The following ZNF677 variants were observed in gnomAD, a reference collection of about 807,000 sequenced individuals.
ZNF677 encodes the protein zinc finger protein 677.
A neutral mutation model predicts 8.1 loss-of-function variants in ZNF677; 5 were observed. The ratio of observed to expected loss-of-function variants is 0.62; its 90% CI spans 0.32 to 1.29. ZNF677 has a LOEUF of 1.29. ZNF677 is among the 50% of genes most tolerant of loss of function. The probability of loss-of-function intolerance (pLI) is 0.05; values close to 1 mark genes in which losing one functional copy is unlikely to be tolerated. For synonymous variants in ZNF677, 221 were observed against 225.6 expected, an observed-to-expected ratio of 0.98 and a Z score of 0.18; for missense variants, 685 against 685.9, an observed-to-expected ratio of 1.00 and a Z score of 0.01.
rs867164933 is a variant in ZNF677 at position 53,252,844 on chromosome 19, A to G, written c.-56+242T>C. The stretch of plus-strand genomic sequence containing the variant: ...ATACAGCTGAGCCTTGAGCAACACC[A>G]GTAGTGATGGGGTGCTAATCGCACC... On this transcript the variant is annotated intron_variant, in intron 2 of 4. Coordinates refer to ENST00000598513, the MANE Select transcript of ZNF677 (RefSeq NM_182609.4). Among the ~76,000 whole-genome samples the G allele has an allele frequency of 2.6e-5, 4 of 152,292 alleles. No individual in the cohort carries two copies. In the South Asian group the frequency reaches 8.3e-4, roughly 32 times the overall value.
intron 3 of ZNF677, among the ~76,000 whole-genome samples, chr19:53,246,709 T>C (rs897387133): frequency 6.6e-6 from 1 of 151,958 alleles, no homozygotes; most frequent in East Asian, 1.9e-4. Flanking sequence ...GAGAATAGAA[T>C]GGTGGTTGCT....
chr19:53,245,547 C>T (rs1159064948), intron 3 of ZNF677, among the ~76,000 whole-genome samples: 1 of 151,930 alleles, frequency 6.6e-6, no homozygotes, highest in Non-Finnish European at 1.5e-5. Flanking sequence ...TCACTAATCA[C>T]CAGGAAAACG....
chr19:53,235,671 C>G lies in ZNF677; in HGVS notation c.*1301G>C, dbSNP rs1237721470. Reference sequence around the variant, plus strand: ...TTTCTTTCTACCACATATGCAGTCTCTAGTAACCGACCATTTCACTTCCAT... The same window carrying G: ...TTTCTTTCTACCACATATGCAGTCTGTAGTAACCGACCATTTCACTTCCAT... On this transcript the variant is annotated 3_prime_UTR_variant, in exon 5 of 5. Coordinates refer to ENST00000598513, the MANE Select transcript of ZNF677 (RefSeq NM_182609.4). 1 of 152,154 alleles carries G rather than the reference C, an allele frequency of 6.6e-6. No individual in the cohort carries two copies. Among genetic ancestry groups the G allele is most frequent in the East Asian group, 1.9e-4 (1 of 5,184 alleles). The allele number at this position is 152,154 out of a possible 1,614,324, so 9.4% of individuals were successfully genotyped here.
At chr19:53,252,342 T>C (rs116414421) in intron 2 of ZNF677, among the ~76,000 whole-genome samples, 3,871 of 152,206 alleles carry the variant, frequency 0.025, 184 homozygotes, top group African/African-American at 0.087. Context: ...ACCCATCATC[T>C]CCACGTTACA....
In ZNF677 at chr19:53,254,858, G is replaced by A. The variant is rs750175724; in HGVS notation, c.-151C>T. On this transcript the variant is annotated 5_prime_UTR_variant, in exon 1 of 5. Transcript: ENST00000598513. Reference sequence around the variant, plus strand: ...CCCGAGAGCGCCAGTAGCCCCGCGAGATCCGCTTCCGGGTCGGCAGGAACC... The same window carrying A: ...CCCGAGAGCGCCAGTAGCCCCGCGAAATCCGCTTCCGGGTCGGCAGGAACC... The A allele has an allele frequency of 6.5e-6, 1 of 152,772 alleles. No homozygotes were observed. The highest frequency in any genetic ancestry group is 1.5e-5 in the Non-Finnish European group (1 of 68,096). The allele number at this position is 152,772 out of a possible 1,614,324, so 9.5% of individuals were successfully genotyped here. A position where few individuals can be genotyped will look rare whatever the true frequency, so the allele number is the denominator to read the frequency against.
intron 4 of ZNF677, 33 bp downstream of exon 4, chr19:53,243,711 A>G (rs1374786325): frequency 5.6e-6 from 9 of 1,613,640 alleles, no homozygotes; most frequent in Admixed American, 3.3e-5. Flanking sequence ...GAGACTCACA[A>G]GGAAAAATGT....
At chr19:53,248,279 T>C (rs2091178746) in intron 3 of ZNF677, among the ~76,000 whole-genome samples, 4 of 152,238 alleles carry the variant, frequency 2.6e-5, no homozygotes, top group Admixed American at 2.6e-4. Flanking sequence ...ATTACTTCTC[T>C]ATGCATTTTA....
At chr19:53,253,769 C>T (rs2091271845) in intron 1 of ZNF677, among the ~76,000 whole-genome samples, 1 of 151,954 alleles carries the variant, frequency 6.6e-6, no homozygotes, top group Non-Finnish European at 1.5e-5. Context: ...AGAGAAAATA[C>T]TTTGAAAATT....
At position 53,254,850 on chromosome 19, in the gene ZNF677, C is replaced by G. The variant is rs1314210364; in HGVS notation, c.-143G>C. On this transcript the variant is annotated 5_prime_UTR_variant, in exon 1 of 5. Transcript: ENST00000598513. ...GAGACTCACCCGAGAGCGCCAGTAGCCCCGCGAGATCCGCTTCCGGGTCGG... is the reference window on the plus strand; with the variant it reads ...GAGACTCACCCGAGAGCGCCAGTAGGCCCGCGAGATCCGCTTCCGGGTCGG... 3 of 152,670 alleles carry G rather than the reference C, an allele frequency of 2.0e-5. No homozygotes were observed. The highest frequency in any genetic ancestry group is 4.4e-5 in the Non-Finnish European group (3 of 68,088). The allele number at this position is 152,670 out of a possible 1,614,324, so 9.5% of individuals were successfully genotyped here. A position where few individuals can be genotyped will look rare whatever the true frequency, so the allele number is the denominator to read the frequency against.
At chr19:53,242,152 G>T (rs1188162001) in intron 4 of ZNF677, 1 of 395,740 alleles carries the variant, frequency 2.5e-6, no homozygotes, top group South Asian at 1.4e-4. Context: ...GGCTGGTCTC[G>T]AACTCCCGAC....
intron 1 of ZNF677, chr19:53,254,470 C>T (rs963256910): frequency 6.6e-6 from 1 of 152,252 alleles, no homozygotes; most frequent in Admixed American, 6.5e-5. Context: ...CCCCTCTGTT[C>T]TCCCTGGAGA....
intron 4 of ZNF677, chr19:53,242,324 T>G (rs1599918287): frequency 2.5e-6 from 1 of 398,274 alleles, no homozygotes. Flanking sequence ...CCGGATAGAG[T>G]AGAAAGCTAG....
rs2090990154 is a variant in ZNF677 at position 53,237,819 on chromosome 19, C to T, written c.908G>A (p.Cys303Tyr). 1.2e-6 allele frequency: 2 copies of T among 1,612,842 alleles called. No individual in the cohort carries two copies. The highest frequency in any genetic ancestry group is 1.7e-6 in the Non-Finnish European group (2 of 1,179,432). The change falls in exon 5 of 5, where the codon TGT becomes TAT. Residue 303 changes from cysteine (C) to tyrosine (Y), a missense_variant. By Grantham distance (194) the Cys-to-Tyr change is radical. Transcript: ENST00000598513. Reference sequence around the variant, plus strand: ...TCTCTGATGCCTAGTGAGGTTCGAACACTGGTTAAAGGCTTTGCCACACTC... The same window carrying T: ...TCTCTGATGCCTAGTGAGGTTCGAATACTGGTTAAAGGCTTTGCCACACTC... ...CNECGKAFNQ[C>Y]SNLTRHQRVH...
rs749932800 is a variant in ZNF677 at position 53,251,576 on chromosome 19, CCTCT to C, written c.-30_-27del. 1 of 1,613,796 alleles carries C rather than the reference CCTCT, an allele frequency of 6.2e-7. No homozygotes were observed. Among genetic ancestry groups the C allele is most frequent in the South Asian group, 1.1e-5 (1 of 91,036 alleles). Reference sequence around the variant, plus strand: ...TCCCTCCTCTTCTTTCTTTCCTCTTCCTCTGAGTTTCTTTCTCAGGTAAGTCAGT... The same window carrying C: ...TCCCTCCTCTTCTTTCTTTCCTCTTCGAGTTTCTTTCTCAGGTAAGTCAGT... On this transcript the variant is annotated 5_prime_UTR_variant, in exon 3 of 5. Coordinates refer to ENST00000598513, the MANE Select transcript of ZNF677 (RefSeq NM_182609.4).
intron 3 of ZNF677, among the ~76,000 whole-genome samples, chr19:53,246,892 T>C (rs2091152261): frequency 6.6e-6 from 1 of 152,118 alleles, no homozygotes. Flanking sequence ...TATGAAATAA[T>C]AAAGACAGCA....
At chr19:53,238,664 G>A (rs2146931882) in intron 4 of ZNF677, 107 bp from the exon 5 acceptor site, 3 of 1,077,242 alleles carry the variant, frequency 2.8e-6, no homozygotes, top group East Asian at 5.3e-5. Context: ...AATGAACAGA[G>A]TTATGAAGCT....
chr19:53,244,050 A>G, intron 3 of ZNF677, 153 bp from the exon 4 acceptor site: 1 of 711,416 alleles, frequency 1.4e-6, no homozygotes, highest in Non-Finnish European at 2.3e-6. Flanking sequence ...AACTGAGATG[A>G]AATTACATAA....
intron 3 of ZNF677, among the ~76,000 whole-genome samples, chr19:53,250,711 C>T (rs1055611635): frequency 1.3e-5 from 2 of 152,130 alleles, no homozygotes; most frequent in Admixed American, 6.5e-5. Context: ...GGAAAAATAA[C>T]TAATGGGTAC....
chr19:53,249,249 A>T (rs1010300913), intron 3 of ZNF677: 1 of 152,190 alleles, frequency 6.6e-6, no homozygotes, highest in Non-Finnish European at 1.5e-5. Flanking sequence ...GATTTAAAGT[A>T]TTTTTTAGTA....
Sources: gnomAD v4.1 joint callset for allele counts (sites outside exome capture counted in the v4.1 genomes callset) on GRCh38, gnomAD v4.1.1 for gene constraint, MANE v1.5 for transcripts, NCBI Gene and HGNC (gene_info 2026-07-23, HGNC 2026-07-21) for gene names.